TXK: variants seen among roughly 807,000 people sequenced by gnomAD.
The protein encoded by TXK is TXK tyrosine kinase.
In TXK, 60 loss-of-function variants were observed where a neutral mutation model predicts 81.0. The ratio of observed to expected loss-of-function variants is 0.74; its 90% CI spans 0.60 to 0.92. The LOEUF is 0.92. Ranked by LOEUF, TXK falls within the 40% of genes least tolerant of loss-of-function variation. The pLI is 0.00. For missense variants in TXK, 581 were observed against 638.3 expected (o/e 0.91, Z 0.97); for synonymous variants, 203 against 210.7 (o/e 0.96, Z 0.32).
chr4:48,127,776 A>G (rs1448201186), intron 1 of TXK, among the ~76,000 whole-genome samples: 1 of 152,184 alleles, frequency 6.6e-6, no homozygotes, highest in Non-Finnish European at 1.5e-5. Flanking sequence ...ACCTTTAGAA[A>G]CCGGCACATC....
chr4:48,088,408 T>C (rs1255562743), intron 9 of TXK, among the ~76,000 whole-genome samples: 2 of 152,108 alleles, frequency 1.3e-5, no homozygotes, highest in Non-Finnish European at 2.9e-5. Context: ...AGCCAAAAAT[T>C]GGTAACAACC....
chr4:48,124,466 T>C (rs143714046), intron 1 of TXK, among the ~76,000 whole-genome samples: 1 of 152,188 alleles, frequency 6.6e-6, no homozygotes, highest in Non-Finnish European at 1.5e-5. Flanking sequence ...CTCCCTAGCT[T>C]CTAGCATCAG....
chr4:48,132,596 A>G (rs955235224), intron 1 of TXK, among the ~76,000 whole-genome samples: 1 of 151,988 alleles, frequency 6.6e-6, no homozygotes, highest in Admixed American at 6.6e-5. Flanking sequence ...ATATGTGTGT[A>G]TGTGTGTGTG....
At chr4:48,115,197 C>T (rs1718764712) in intron 1 of TXK, among the ~76,000 whole-genome samples, 1 of 152,066 alleles carries the variant, frequency 6.6e-6, no homozygotes, top group South Asian at 2.1e-4. Context: ...CTCTCCCTCC[C>T]CTTGCCCTCC....
Position 48,067,506 on chromosome 4 carries a change from C to G in TXK, c.*131G>C. The G allele has an allele frequency of 1.1e-6, 1 of 933,556 alleles. No homozygotes were observed. Among genetic ancestry groups the G allele is most frequent in the South Asian group, 1.6e-5 (1 of 63,810 alleles). 57.8% of individuals were successfully genotyped at this position (933,556 alleles called of 1,614,324 possible). On this transcript the variant is annotated 3_prime_UTR_variant, in exon 15 of 15. Coordinates refer to ENST00000264316, the MANE Select transcript of TXK (RefSeq NM_003328.3). Reference sequence around the variant, plus strand: ...TTTTAAAACTTTTAAAAACTGTGATCTTTGCACTGTTTTCAAGAGTCAGCA... The same window carrying G: ...TTTTAAAACTTTTAAAAACTGTGATGTTTGCACTGTTTTCAAGAGTCAGCA...
At chr4:48,105,003 T>A (rs751551726) in intron 5 of TXK, 48 bp from the exon 6 acceptor site, 4 of 1,409,510 alleles carry the variant, frequency 2.8e-6, no homozygotes, top group Non-Finnish European at 2.9e-6. Flanking sequence ...TCAATTTTTT[T>A]AAGAAAAAAG....
At chr4:48,101,739 T>C (rs1019239886) in intron 6 of TXK, among the ~76,000 whole-genome samples, 4 of 151,102 alleles carry the variant, frequency 2.6e-5, no homozygotes, top group Non-Finnish European at 1.5e-5. Context: ...TTAATACATT[T>C]AAAAGAGGAT....
At chr4:48,093,798 C>T (rs541294893) in intron 8 of TXK, among the ~76,000 whole-genome samples, 2 of 152,220 alleles carry the variant, frequency 1.3e-5, no homozygotes, top group East Asian at 3.9e-4. Context: ...ATTTCCAGAA[C>T]AAATGCATAA....
intron 12 of TXK, among the ~76,000 whole-genome samples, chr4:48,075,008 C>A (rs948502707): frequency 1.3e-5 from 2 of 152,048 alleles, no homozygotes; most frequent in African/African-American, 4.8e-5. Flanking sequence ...CTCACTACCA[C>A]CACCCCTATT....
intron 1 of TXK, among the ~76,000 whole-genome samples, chr4:48,132,219 T>C (rs955093148): frequency 6.6e-6 from 1 of 152,212 alleles, no homozygotes; most frequent in African/African-American, 2.4e-5. Context: ...CTGATATGAC[T>C]GAGCTTTGTT....
intron 9 of TXK, among the ~76,000 whole-genome samples, chr4:48,087,686 C>A (rs534773025): frequency 6.2e-4 from 95 of 152,172 alleles, no homozygotes; most frequent in Non-Finnish European, 9.7e-4. Context: ...CTGCCCACCT[C>A]AGTCTCCCAA....
intron 10 of TXK, among the ~76,000 whole-genome samples, chr4:48,085,701 G>A (rs564103904): frequency 6.6e-6 from 1 of 152,162 alleles, no homozygotes; most frequent in African/African-American, 2.4e-5. Context: ...CAGAGAAGAA[G>A]AGAAGAGGAG....
chr4:48,121,882 T>A (rs1718972397), intron 1 of TXK, among the ~76,000 whole-genome samples: 1 of 152,216 alleles, frequency 6.6e-6, no homozygotes, highest in Admixed American at 6.5e-5. Context: ...AATGTGAATG[T>A]ACTTAATGTT....
At chr4:48,071,412 G>T in intron 14 of TXK, 105 bp downstream of exon 14, 1 of 1,111,688 alleles carries the variant, frequency 9.0e-7, no homozygotes, top group Non-Finnish European at 1.3e-6. Flanking sequence ...AGACACAGAT[G>T]CCTTTTCCTG....
At position 48,112,371 on chromosome 4, in the gene TXK, C is replaced by G. The variant is rs375068941; in HGVS notation, c.316G>C (p.Ala106Pro). ...TTCTCCAGTATCAGGTATTCTTCTG[C>G]TCTCCTTAAGGCTAAATTACAGGGT... The part of the protein sequence containing the change: ...REPCNLALRR[A>P]EEYLILEKYN... The change falls in exon 4 of 15, where the codon GCA becomes CCA. Residue 106 changes from alanine (A) to proline (P), a missense_variant. By Grantham distance (27) the Ala-to-Pro change is conservative. Coordinates refer to ENST00000264316, the MANE Select transcript of TXK (RefSeq NM_003328.3). The G allele has an allele frequency of 1.2e-6, 2 of 1,614,064 alleles. No homozygotes were observed. Among genetic ancestry groups the G allele is most frequent in the African/African-American group, 2.7e-5 (2 of 74,920 alleles).
Position 48,067,022 on chromosome 4 carries a change from C to G in TXK, c.*615G>C, listed in dbSNP as rs1043863814. The G allele has an allele frequency of 6.6e-6, 1 of 152,092 alleles. No individual in the cohort carries two copies. The highest frequency in any genetic ancestry group is 1.5e-5 in the Non-Finnish European group (1 of 68,040). The allele number at this position is 152,092 out of a possible 1,614,324, so 9.4% of individuals were successfully genotyped here. On this transcript the variant is annotated 3_prime_UTR_variant, in exon 15 of 15. Transcript: ENST00000264316. Reference sequence around the variant, plus strand: ...ACATTTTATAACAGTGTTTAAAACTCGAATGCAAAAAACTGCTTTCAATAT... The same window carrying G: ...ACATTTTATAACAGTGTTTAAAACTGGAATGCAAAAAACTGCTTTCAATAT...
rs755294001 is a variant in TXK at position 48,071,644 on chromosome 4, C to T, written c.1388G>A (p.Gly463Glu). 6.2e-6 allele frequency: 10 copies of T among 1,613,982 alleles called. No homozygotes were observed. The highest frequency in any genetic ancestry group is 7.6e-6 in the Non-Finnish European group (9 of 1,180,000). Residue 463 changes from glycine (G) to glutamate (E), a missense_variant, in exon 14 of 15, where the codon GGA becomes GAA. Gly to Glu is a moderately conservative substitution (Grantham distance 98, BLOSUM62 -2). Transcript: ENST00000264316. ...GVLMWEVFTE[G>E]KMPFENKSNL... ...TGACTTATTTTCAAAAGGCATTTTT[C>T]CTTCTGTAAAAACTTCCCACATTAA...
Position 48,072,223 on chromosome 4 carries a change from C to G in TXK, c.1358-549G>C, listed in dbSNP as rs1464038765. Among the ~76,000 whole-genome samples, 3 of 152,260 alleles carry G rather than the reference C, an allele frequency of 2.0e-5. No homozygotes were observed. The East Asian group carries it at 5.8e-4, about 29-fold the overall frequency. On this transcript the variant is annotated intron_variant, in intron 13 of 14. Coordinates refer to ENST00000264316, the MANE Select transcript of TXK (RefSeq NM_003328.3). ...TTCACCATGTTGGCCAGGCTGGTCT[C>G]GAGCTCTGACCTCAGGTGATTCGAC...
chr4:48,113,814 A>C (rs1417200657), intron 2 of TXK, among the ~76,000 whole-genome samples: 1 of 151,614 alleles, frequency 6.6e-6, no homozygotes, highest in Non-Finnish European at 1.5e-5. Flanking sequence ...AATGGGGATC[A>C]TAAAAAAAAA....
Sources: allele counts gnomAD v4.1 joint callset (sites outside exome capture counted in the v4.1 genomes callset), GRCh38; gene constraint gnomAD v4.1.1; transcripts MANE v1.5; gene names NCBI Gene and HGNC (gene_info 2026-07-23, HGNC 2026-07-21).